DPP6: variants seen among roughly 807,000 people sequenced by gnomAD.
DPP6 encodes the protein dipeptidyl peptidase like 6.
DPP6 carries 69 observed loss-of-function variants against 122.6 expected under a neutral mutation model. The observed-to-expected ratio is 0.56, with a 90% CI of 0.46 to 0.69. DPP6 has a LOEUF of 0.69. Ranked by LOEUF, DPP6 falls within the 30% of genes least tolerant of loss-of-function variation. The pLI is 0.00. For missense variants in DPP6, 928 were observed against 1,116.9 expected (o/e 0.83, Z 2.41); for synonymous variants, 418 against 433.1 (o/e 0.97, Z 0.43).
intron 4 of DPP6, among the ~76,000 whole-genome samples, chr7:154,553,747 C>T (rs1240439788): frequency 3.9e-5 from 6 of 152,046 alleles, no homozygotes; most frequent in African/African-American, 1.4e-4. Flanking sequence ...CTGAGGCCGC[C>T]ATTCCATTAC....
At chr7:153,892,323 T>C (rs1429431492) in intron 1 of DPP6, among the ~76,000 whole-genome samples, 1 of 152,122 alleles carries the variant, frequency 6.6e-6, no homozygotes, top group African/African-American at 2.4e-5. Flanking sequence ...CTATTATTTT[T>C]TTTTTTCTGA....
At chr7:154,160,290 C>T (rs1332006137) in intron 1 of DPP6, among the ~76,000 whole-genome samples, 1 of 152,112 alleles carries the variant, frequency 6.6e-6, no homozygotes, top group African/African-American at 2.4e-5. Context: ...AATGGAGCCA[C>T]AGTCCTCAAG....
chr7:153,957,691 ACT>A (rs1309842628), intron 1 of DPP6, among the ~76,000 whole-genome samples: 4 of 151,760 alleles, frequency 2.6e-5, no homozygotes, highest in African/African-American at 7.3e-5. Flanking sequence ...CCTACTCTCC[ACT>A]CTCTCTGTTT....
chr7:154,586,390 C>T (rs764520657), intron 5 of DPP6, among the ~76,000 whole-genome samples: 7 of 152,190 alleles, frequency 4.6e-5, no homozygotes, highest in Admixed American at 1.3e-4. Context: ...GCCCACTAAA[C>T]GCGCTTGTCC....
At chr7:153,964,140 C>A (rs1024773957) in intron 1 of DPP6, among the ~76,000 whole-genome samples, 1 of 152,096 alleles carries the variant, frequency 6.6e-6, no homozygotes, top group Non-Finnish European at 1.5e-5. Context: ...GGATTGCAGA[C>A]ACCCCCCACC....
At chr7:154,469,836 AATG>A (rs1165847905) in intron 2 of DPP6, among the ~76,000 whole-genome samples, 2 of 152,206 alleles carry the variant, frequency 1.3e-5, no homozygotes, top group African/African-American at 2.4e-5. Context: ...GGCAGAACTA[AATG>A]ATGTGTTTCC....
At chr7:154,014,174 C>A (rs1015948086) in intron 1 of DPP6, among the ~76,000 whole-genome samples, 1 of 150,098 alleles carries the variant, frequency 6.7e-6, no homozygotes, top group African/African-American at 2.5e-5. Flanking sequence ...TTGATAAATT[C>A]TACCGAAGTG....
At chr7:154,634,624 C>T (rs1835618661) in intron 5 of DPP6, among the ~76,000 whole-genome samples, 1 of 147,656 alleles carries the variant, frequency 6.8e-6, no homozygotes, top group Non-Finnish European at 1.5e-5. Context: ...CAGTTCTCTC[C>T]TCCTCCTCCT....
At chr7:154,815,229 C>T (rs978599014) in intron 16 of DPP6, among the ~76,000 whole-genome samples, 2 of 152,200 alleles carry the variant, frequency 1.3e-5, no homozygotes, top group African/African-American at 4.8e-5. Context: ...TAATGTGATA[C>T]TACCATATCT....
At chr7:153,840,340 A>G in the DPP6 span, among the ~76,000 whole-genome samples, 1 of 152,170 alleles carries the variant, frequency 6.6e-6, no homozygotes, top group South Asian at 2.1e-4. Flanking sequence ...TATAATAGAA[A>G]CTATAGAACT....
intron 1 of DPP6, among the ~76,000 whole-genome samples, chr7:154,295,097 A>G (rs1294141082): frequency 1.3e-5 from 2 of 152,358 alleles, no homozygotes; most frequent in Non-Finnish European, 2.9e-5. Flanking sequence ...TGCAGGGGCC[A>G]GACGTGAGAA....
intron 2 of DPP6, among the ~76,000 whole-genome samples, chr7:154,464,567 T>C (rs1353335408): frequency 1.3e-5 from 2 of 152,232 alleles, no homozygotes; most frequent in Non-Finnish European, 1.5e-5. Context: ...TAAACAAATA[T>C]TTCTGTTGTA....
chr7:154,020,523 G>A (rs1363585548), intron 1 of DPP6, among the ~76,000 whole-genome samples: 1 of 152,066 alleles, frequency 6.6e-6, no homozygotes, highest in East Asian at 1.9e-4. Flanking sequence ...TTCTGGTTCT[G>A]ATCCAGAGCT....
chr7:154,241,067 G>A lies in DPP6; in HGVS notation c.243+188004G>A, dbSNP rs10278209. Among the ~76,000 whole-genome samples, 8,870 of 152,016 alleles carry A rather than the reference G, an allele frequency of 0.058. 832 individuals are homozygous for A. The highest frequency in any genetic ancestry group is 0.2 in the African/African-American group (8,283 of 41,376). Reference sequence around the variant, plus strand: ...ATTTGTTGGAATATTGTGAAGTTCCGTTGATAAATAAATTGATGAAAACCT... The same window carrying A: ...ATTTGTTGGAATATTGTGAAGTTCCATTGATAAATAAATTGATGAAAACCT... On this transcript the variant is annotated intron_variant, in intron 1 of 25. Coordinates refer to ENST00000377770, the MANE Select transcript of DPP6 (RefSeq NM_130797.4). This position sits in a 1 kb window ranked among gnomAD's most constrained non-coding sequence, Gnocchi z 9.0.
intron 1 of DPP6, among the ~76,000 whole-genome samples, chr7:154,238,341 A>G (rs987174262): frequency 6.6e-6 from 1 of 152,226 alleles, no homozygotes; most frequent in African/African-American, 2.4e-5. Context: ...TAATATTGAC[A>G]CATATTAAAG....
chr7:154,364,142 A>G (rs991407476), intron 1 of DPP6, among the ~76,000 whole-genome samples: 16 of 152,226 alleles, frequency 1.1e-4, no homozygotes, highest in African/African-American at 3.9e-4. Flanking sequence ...ATAAACACAA[A>G]TATAACCAGT....
intron 1 of DPP6, among the ~76,000 whole-genome samples, chr7:154,190,943 T>C (rs1411619648): frequency 6.6e-6 from 1 of 152,246 alleles, no homozygotes; most frequent in Non-Finnish European, 1.5e-5. Context: ...AAATATTTAT[T>C]TTCTTTTTAT....
chr7:154,303,099 A>G (rs1263832810), intron 1 of DPP6, among the ~76,000 whole-genome samples: 1 of 152,178 alleles, frequency 6.6e-6, no homozygotes, highest in Non-Finnish European at 1.5e-5. Context: ...CTCCTGCCTT[A>G]GCCTCTCAAG....
At position 154,668,953 on chromosome 7, in the gene DPP6, C is replaced by T. The variant is rs565356324; in HGVS notation, c.681-407C>T. Among the ~76,000 whole-genome samples the T allele has an allele frequency of 3.2e-3, 483 of 152,254 alleles. 1 individual carries two copies. Among genetic ancestry groups the T allele is most frequent in the African/African-American group, 0.011 (459 of 41,554 alleles). On this transcript the variant is annotated intron_variant, in intron 6 of 25. Coordinates refer to ENST00000377770, the MANE Select transcript of DPP6 (RefSeq NM_130797.4). ...AGGTTTGTAAGGTCATAATGACCTGCGTTATACCTAGAAAAAATTATCTTC... is the reference window on the plus strand; with the variant it reads ...AGGTTTGTAAGGTCATAATGACCTGTGTTATACCTAGAAAAAATTATCTTC...
Sources: allele counts gnomAD v4.1 joint callset (sites outside exome capture counted in the v4.1 genomes callset), GRCh38; gene constraint gnomAD v4.1.1; non-coding constraint Gnocchi (gnomAD v3.1); transcripts MANE v1.5; gene names NCBI Gene and HGNC (gene_info 2026-07-23, HGNC 2026-07-21).